CSMD1: variants seen among roughly 807,000 people sequenced by gnomAD.
CSMD1 encodes CUB and sushi domain-containing protein 1.
A neutral mutation model predicts 417.5 loss-of-function variants in CSMD1; 213 were observed. That is an observed-to-expected ratio of 0.51 (90% confidence interval 0.46 to 0.57). CSMD1 has a LOEUF of 0.57. Ranked by LOEUF, CSMD1 falls within the 20% of genes least tolerant of loss-of-function variation. CSMD1 has a pLI of 0.00. For missense variants in CSMD1, 6,923 were observed against 4,529.7 expected (o/e 1.53, Z -15.17); for synonymous variants, 2,862 against 1,736.8 (o/e 1.65, Z -16.11).
Position 4,617,257 on chromosome 8 carries a change from C to T in CSMD1, c.302+20085G>A, listed in dbSNP as rs182526403. On this transcript the variant is annotated intron_variant, in intron 2 of 69. Coordinates refer to ENST00000635120, the MANE Select transcript of CSMD1 (RefSeq NM_033225.6). ...AAAATATAAATAAAATCTTTAAGAG[C>T]GATTACTTGCTTCACCTTCTTTTGT... is the stretch of plus-strand genomic sequence containing the variant. Among the ~76,000 whole-genome samples, 124 of 152,130 alleles carry T rather than the reference C, an allele frequency of 8.2e-4. 1 individual carries two copies. The highest frequency in any genetic ancestry group is 2.9e-3 in the African/African-American group (119 of 41,518).
At chr8:3,145,460 G>A (rs1033899214) in intron 40 of CSMD1, among the ~76,000 whole-genome samples, 1 of 152,086 alleles carries the variant, frequency 6.6e-6, no homozygotes, top group Non-Finnish European at 1.5e-5. Context: ...GACATCCAAC[G>A]TCTCAAAAGT....
chr8:3,558,599 CCCG>C (rs1799314697), intron 10 of CSMD1, among the ~76,000 whole-genome samples: 1 of 128,648 alleles, frequency 7.8e-6, no homozygotes, highest in Non-Finnish European at 1.5e-5. Context: ...TCAATAGTAC[CCCG>C]TGTCCACTCC....
At chr8:4,473,450 G>A (rs1435153079) in intron 2 of CSMD1, among the ~76,000 whole-genome samples, 1 of 152,124 alleles carries the variant, frequency 6.6e-6, no homozygotes. Context: ...TGTTTCATAA[G>A]CAAGGATTTC....
intron 2 of CSMD1, among the ~76,000 whole-genome samples, chr8:4,527,578 T>G (rs1796582799): frequency 6.6e-6 from 1 of 152,164 alleles, no homozygotes; most frequent in African/African-American, 2.4e-5. Context: ...TGTACAAAGA[T>G]GCATCTTGTG....
chr8:4,220,178 T>C (rs1800942199), intron 3 of CSMD1, among the ~76,000 whole-genome samples: 1 of 152,210 alleles, frequency 6.6e-6, no homozygotes, highest in South Asian at 2.1e-4. Context: ...CTTGAACTCC[T>C]GACGTCAGGT....
intron 3 of CSMD1, among the ~76,000 whole-genome samples, chr8:4,204,419 A>T (rs944945031): frequency 2.6e-5 from 4 of 152,212 alleles, no homozygotes; most frequent in African/African-American, 9.6e-5. Flanking sequence ...AACCCAACCC[A>T]TAAGCTAATT....
At chr8:3,543,105 C>A (rs1798510367) in intron 10 of CSMD1, among the ~76,000 whole-genome samples, 1 of 152,166 alleles carries the variant, frequency 6.6e-6, no homozygotes, top group Non-Finnish European at 1.5e-5. Flanking sequence ...GCATCGTGAG[C>A]AAATCTGTGC....
At chr8:3,604,088 C>A (rs1048026221) in intron 8 of CSMD1, among the ~76,000 whole-genome samples, 1 of 152,164 alleles carries the variant, frequency 6.6e-6, no homozygotes, top group Non-Finnish European at 1.5e-5. Context: ...TGGCTGAATG[C>A]TTCCTTCGAA....
intron 3 of CSMD1, among the ~76,000 whole-genome samples, chr8:4,385,553 C>T (rs1438262490): frequency 1.3e-5 from 2 of 152,098 alleles, no homozygotes; most frequent in Non-Finnish European, 2.9e-5. Flanking sequence ...TTTTGGACTG[C>T]ACATTACTAC....
rs1043784062 is a variant in CSMD1 at position 4,488,671 on chromosome 8, A to G, written c.303-68606T>C. 1.0e-4 allele frequency among the ~76,000 whole-genome samples: 15 copies of G among 149,796 alleles called. No homozygotes were observed. The South Asian group carries it at 2.8e-3, about 28-fold the overall frequency. ...CTAAAAAGGAACACCAAAGAATTAC[A>G]TAATCATGGCGGTGGGGGGGGTGAA... On this transcript the variant is annotated intron_variant, in intron 2 of 69. Coordinates refer to ENST00000635120, the MANE Select transcript of CSMD1 (RefSeq NM_033225.6).
intron 10 of CSMD1, among the ~76,000 whole-genome samples, chr8:3,568,473 T>G (rs1299529346): frequency 6.6e-6 from 1 of 152,182 alleles, no homozygotes; most frequent in African/African-American, 2.4e-5. Context: ...GTTTTGAGTT[T>G]TTTAAATCCT....
At chr8:3,664,529 G>A (rs1189293443) in intron 7 of CSMD1, among the ~76,000 whole-genome samples, 2 of 152,204 alleles carry the variant, frequency 1.3e-5, no homozygotes, top group Non-Finnish European at 2.9e-5. Flanking sequence ...TATGCTGATG[G>A]TGGGTCAAGA....
At chr8:3,991,676 G>T (rs1350289949) in intron 5 of CSMD1, among the ~76,000 whole-genome samples, 2 of 152,178 alleles carry the variant, frequency 1.3e-5, no homozygotes, top group Admixed American at 1.3e-4. Flanking sequence ...GGTTGCTGAA[G>T]AAATTCTAGG....
intron 5 of CSMD1, among the ~76,000 whole-genome samples, chr8:3,793,135 C>G (rs973363912): frequency 4.6e-5 from 7 of 152,160 alleles, no homozygotes; most frequent in African/African-American, 1.4e-4. Context: ...GTGGAAGGAA[C>G]TGCTCGAATA....
intron 1 of CSMD1, among the ~76,000 whole-genome samples, chr8:4,989,143 G>C (rs988533238): frequency 9.7e-4 from 147 of 152,270 alleles, no homozygotes; most frequent in African/African-American, 3.5e-3. Context: ...AGTTTGCTAA[G>C]CACAATGATC....
intron 5 of CSMD1, among the ~76,000 whole-genome samples, chr8:3,909,756 G>A (rs895753630): frequency 3.9e-5 from 6 of 152,090 alleles, no homozygotes; most frequent in Non-Finnish European, 2.9e-5. Context: ...CTTGACTCTG[G>A]AGCTAATACG....
rs147261459 is a variant in CSMD1, at chr8:2,949,120, G to C, written c.10402+179C>G. Among the ~76,000 whole-genome samples, 716 of 151,494 alleles carry C rather than the reference G, an allele frequency of 4.7e-3. 17 individuals carry two copies. The highest frequency in any genetic ancestry group is 0.044 in the Admixed American group (661 of 15,188). ...CATTTATTGCATTATTTCCGGCTTT[G>C]TGTTTGTGTATTTTGCTATTCAAAA... On this transcript the variant is annotated intron_variant, in intron 68 of 69. Coordinates refer to ENST00000635120, the MANE Select transcript of CSMD1 (RefSeq NM_033225.6).
chr8:3,070,002 G>A (rs28771743), intron 49 of CSMD1, among the ~76,000 whole-genome samples: 7,183 of 152,276 alleles, frequency 0.047, 411 homozygotes, highest in African/African-American at 0.14. Context: ...TGCACCCTTC[G>A]GAACGGGGTC....
chr8:3,753,315 T>C lies in CSMD1; in HGVS notation c.931+615A>G, dbSNP rs1476597968. 2.6e-5 allele frequency among the ~76,000 whole-genome samples: 4 copies of C among 152,192 alleles called. 1 individual carries two copies. The highest frequency in any genetic ancestry group is 2.6e-4 in the Admixed American group (4 of 15,278). ...TTTTTGCTGTGTTAATAAGGATTAC[T>C]CATTATTAGAAACATACAGGAAATG... is the stretch of plus-strand genomic sequence containing the variant. On this transcript the variant is annotated intron_variant, in intron 6 of 69. Transcript: ENST00000635120.
Sources: gnomAD v4.1 joint callset for allele counts (sites outside exome capture counted in the v4.1 genomes callset) on GRCh38, gnomAD v4.1.1 for gene constraint, MANE v1.5 for transcripts, NCBI Gene and HGNC (gene_info 2026-07-23, HGNC 2026-07-21) for gene names.